RUNX2: variants seen among roughly 807,000 people sequenced by gnomAD.
The protein encoded by RUNX2 is runt-related transcription factor 2.
In RUNX2, 10 loss-of-function variants were observed where a neutral mutation model predicts 51.7. That is an observed-to-expected ratio of 0.19 (90% CI 0.12 to 0.33). The LOEUF (loss-of-function observed/expected upper bound fraction) is 0.33, where lower values mean the gene tolerates loss of function less well. Ranked by LOEUF, RUNX2 falls within the 10% of genes least tolerant of loss-of-function variation. The pLI is 1.00. For missense variants in RUNX2, 562 were observed against 691.3 expected, an observed-to-expected ratio of 0.81 and a Z score of 2.10; for synonymous variants, 276 against 273.6, an observed-to-expected ratio of 1.01 and a Z score of -0.09.
chr6:45,422,697 C>A lies in RUNX2; in HGVS notation c.163C>A (p.Gln55Lys). The change falls in exon 3 of 9, where the codon CAG becomes AAG. Residue 55 changes from glutamine (Q) to lysine (K), a missense_variant. Gln to Lys is a moderately conservative substitution (Grantham distance 53). Around this residue, in one of 5 missense-constraint regions of RUNX2, gnomAD observed 153 missense variants for 144.8 expected, o/e 1.06. Coordinates refer to ENST00000647337, the MANE Select transcript of RUNX2 (RefSeq NM_001024630.4). ...GGCTGCGCAACAGCAGCAGCAACAG[C>A]AGCAGCAGCAACAGCAGCAGCAGCA... The part of the protein sequence containing the change: ...VVAAQQQQQQ[Q>K]QQQQQQQQQQ... The A allele has an allele frequency of 6.3e-7, 1 of 1,597,696 alleles. No individual in the cohort carries two copies. Among genetic ancestry groups the A allele is most frequent in the East Asian group, 2.3e-5 (1 of 43,544 alleles).
At chr6:45,471,726 C>T (rs1004503340) in intron 5 of RUNX2, among the ~76,000 whole-genome samples, 24 of 152,154 alleles carry the variant, frequency 1.6e-4, no homozygotes, top group Admixed American at 7.9e-4. Flanking sequence ...CGTGAGCCAC[C>T]GCTGCCCGGC....
intron 6 of RUNX2, among the ~76,000 whole-genome samples, chr6:45,500,855 G>T (rs1405498228): frequency 6.6e-6 from 1 of 152,206 alleles, no homozygotes; most frequent in Non-Finnish European, 1.5e-5. Context: ...ACAACACAGG[G>T]GAACAAGGAA....
At chr6:45,522,885 G>A (rs1356041430) in intron 7 of RUNX2, among the ~76,000 whole-genome samples, 1 of 152,186 alleles carries the variant, frequency 6.6e-6, no homozygotes, top group Non-Finnish European at 1.5e-5. Flanking sequence ...AGGAGACTAA[G>A]ACAATTTCTG....
At chr6:45,434,209 AT>A (rs1563084708) in intron 4 of RUNX2, among the ~76,000 whole-genome samples, 1 of 152,206 alleles carries the variant, frequency 6.6e-6, no homozygotes, top group Non-Finnish European at 1.5e-5. Flanking sequence ...TGAAAAAAAA[AT>A]GGGTCAGTTT....
chr6:45,488,426 C>T (rs1254818762), intron 5 of RUNX2, among the ~76,000 whole-genome samples: 1 of 152,062 alleles, frequency 6.6e-6, no homozygotes, highest in Non-Finnish European at 1.5e-5. Context: ...GGCAGTAGAA[C>T]ACACAAACCT....
intron 7 of RUNX2, among the ~76,000 whole-genome samples, chr6:45,521,403 G>T (rs990440962): frequency 1.3e-5 from 2 of 152,202 alleles, no homozygotes; most frequent in Admixed American, 6.5e-5. Flanking sequence ...TATCAAGACT[G>T]TATCTGTTTC....
chr6:45,382,062 T>C (rs990915277), intron 2 of RUNX2, among the ~76,000 whole-genome samples: 1 of 152,208 alleles, frequency 6.6e-6, no homozygotes, highest in Admixed American at 6.5e-5. Flanking sequence ...AAGGGAACCA[T>C]GGAATACCAG....
chr6:45,443,661 G>T (rs941913504), intron 5 of RUNX2, among the ~76,000 whole-genome samples: 2 of 152,216 alleles, frequency 1.3e-5, no homozygotes, highest in Non-Finnish European at 2.9e-5. Context: ...TAATCGTAGT[G>T]TCATTCTGAA....
intron 2 of RUNX2, among the ~76,000 whole-genome samples, chr6:45,408,241 A>AT (rs1429739434): frequency 6.6e-6 from 1 of 151,294 alleles, no homozygotes; most frequent in Non-Finnish European, 1.5e-5. Flanking sequence ...AGGCCAGGAG[A>AT]TTTTTTTATG....
At chr6:45,480,262 A>G (rs1042735856) in intron 5 of RUNX2, among the ~76,000 whole-genome samples, 1 of 152,216 alleles carries the variant, frequency 6.6e-6, no homozygotes, top group African/African-American at 2.4e-5. Flanking sequence ...TTGTAAAAAC[A>G]GTTTTATTTT....
At chr6:45,365,636 G>A (rs1018172790) in intron 2 of RUNX2, among the ~76,000 whole-genome samples, 2 of 147,400 alleles carry the variant, frequency 1.4e-5, no homozygotes, top group African/African-American at 5.1e-5. Flanking sequence ...GGAGCCCTAC[G>A]GTTCATCAGC....
chr6:45,471,826 T>G (rs1799812178), intron 5 of RUNX2, among the ~76,000 whole-genome samples: 1 of 152,220 alleles, frequency 6.6e-6, no homozygotes, highest in African/African-American at 2.4e-5. Context: ...TGTCTATTAA[T>G]GGTTAATTTC....
intron 5 of RUNX2, among the ~76,000 whole-genome samples, chr6:45,477,295 G>C (rs1303121962): frequency 1.3e-5 from 2 of 152,128 alleles, no homozygotes; most frequent in Non-Finnish European, 2.9e-5. Flanking sequence ...CATTCCCTGA[G>C]TGTCCTCATT....
intron 2 of RUNX2, among the ~76,000 whole-genome samples, chr6:45,412,162 A>C (rs1045154878): frequency 6.8e-6 from 1 of 147,756 alleles, no homozygotes; most frequent in African/African-American, 2.5e-5. Flanking sequence ...AGCCTGGGCT[A>C]CATGCCCAGT....
chr6:45,423,442 T>C (rs1347123300), intron 3 of RUNX2, among the ~76,000 whole-genome samples: 4 of 151,928 alleles, frequency 2.6e-5, no homozygotes, highest in African/African-American at 4.8e-5. Context: ...CAGCCTCTCT[T>C]TGGGGCTCCG....
intron 8 of RUNX2, among the ~76,000 whole-genome samples, chr6:45,546,419 G>A (rs1490708004): frequency 6.6e-6 from 1 of 152,012 alleles, no homozygotes; most frequent in Non-Finnish European, 1.5e-5. Flanking sequence ...ATTGAGTTGA[G>A]GAAAATAAAC....
At chr6:45,501,511 GA>G (rs1800800741) in intron 6 of RUNX2, among the ~76,000 whole-genome samples, 1 of 152,178 alleles carries the variant, frequency 6.6e-6, no homozygotes. Flanking sequence ...AATCCTTCAA[GA>G]CTTTGGTGAA....
intron 7 of RUNX2, among the ~76,000 whole-genome samples, chr6:45,514,883 T>C (rs1801271010): frequency 2.0e-5 from 3 of 152,066 alleles, no homozygotes; most frequent in Admixed American, 2.0e-4. Context: ...TCTAAGTCCA[T>C]GACCTAGAGG....
At chr6:45,428,700 G>A (rs1028531651) in intron 3 of RUNX2, among the ~76,000 whole-genome samples, 1 of 151,998 alleles carries the variant, frequency 6.6e-6, no homozygotes, top group African/African-American at 2.4e-5. Flanking sequence ...CACTCTTAGG[G>A]ATCTTTTCTT....
Sources: allele counts gnomAD v4.1 joint callset (sites outside exome capture counted in the v4.1 genomes callset), GRCh38; gene constraint gnomAD v4.1.1; regional missense constraint gnomAD v4.1.1; transcripts MANE v1.5; gene names NCBI Gene and HGNC (gene_info 2026-07-23, HGNC 2026-07-21).